HTR4: variants seen among roughly 807,000 people sequenced by gnomAD.
HTR4 encodes 5-hydroxytryptamine receptor 4.
A neutral mutation model predicts 36.8 loss-of-function variants in HTR4; 16 were observed. That is an observed-to-expected ratio of 0.43 (90% confidence interval 0.29 to 0.66). HTR4 has a LOEUF of 0.66. Among genes scored for constraint, HTR4 ranks in the 30% least tolerant of loss-of-function variants. The pLI, the probability that HTR4 is intolerant of heterozygous loss-of-function variation, is 0.13. For synonymous variants in HTR4, 189 were observed against 185.1 expected, an observed-to-expected ratio of 1.02 and a Z score of -0.17; for missense variants, 438 against 490.9, an observed-to-expected ratio of 0.89 and a Z score of 1.02.
chr5:148,623,781 G>A (rs1036791640), intron 2 of HTR4, among the ~76,000 whole-genome samples: 1 of 152,140 alleles, frequency 6.6e-6, no homozygotes, highest in Non-Finnish European at 1.5e-5. Flanking sequence ...GCTGATGTCA[G>A]TCACCTCTGA....
Position 148,523,183 on chromosome 5 carries a change from GGA to G in HTR4, c.507+8_507+9del, listed in dbSNP as rs1277705534. 6.2e-7 allele frequency: 1 copy of G among 1,611,330 alleles called. No homozygotes were observed. Among genetic ancestry groups the G allele is most frequent in the South Asian group, 1.1e-5 (1 of 90,802 alleles). On this transcript the variant is annotated splice_region_variant and intron_variant, in intron 5 of 6. Coordinates refer to ENST00000377888, the MANE Select transcript of HTR4 (RefSeq NM_000870.7). Reference sequence around the variant, plus strand: ...GACAGTAAACCAGTGAGGTCTGTGTGGATACTCACCAAATCAATTATGCCAAT... The same window carrying G: ...GACAGTAAACCAGTGAGGTCTGTGTGTACTCACCAAATCAATTATGCCAAT...
intron 5 of HTR4, among the ~76,000 whole-genome samples, chr5:148,455,879 C>A (rs963562239): frequency 6.6e-6 from 1 of 152,020 alleles, no homozygotes; most frequent in African/African-American, 2.4e-5. Context: ...AGTGGACCAT[C>A]ATAAAAGTCG....
chr5:148,576,436 A>G (rs1026029471), intron 2 of HTR4, among the ~76,000 whole-genome samples: 1 of 152,068 alleles, frequency 6.6e-6, no homozygotes, highest in African/African-American at 2.4e-5. Context: ...CAAACTCCCA[A>G]TGATATTCTT....
intron 2 of HTR4, among the ~76,000 whole-genome samples, chr5:148,607,728 T>C (rs535944915): frequency 2.0e-5 from 3 of 152,268 alleles, no homozygotes; most frequent in South Asian, 2.1e-4. Context: ...TAAAGAGATA[T>C]GTGTAGTAGC....
intron 6 of HTR4, among the ~76,000 whole-genome samples, chr5:148,485,785 G>A (rs995230743): frequency 6.6e-6 from 1 of 152,146 alleles, no homozygotes; most frequent in African/African-American, 2.4e-5. Flanking sequence ...GAGGGGTGAG[G>A]ATAAAAGACA....
At chr5:148,474,569 A>G (rs1435786915), downstream of HTR4, among the ~76,000 whole-genome samples, 1 of 152,208 alleles carries the variant, frequency 6.6e-6, no homozygotes, top group Admixed American at 6.5e-5. Context: ...CTGCCCTTTC[A>G]TTCAGGACTC....
intron 2 of HTR4, among the ~76,000 whole-genome samples, chr5:148,572,121 T>C (rs1760702362): frequency 6.6e-6 from 1 of 152,118 alleles, no homozygotes; most frequent in Non-Finnish European, 1.5e-5. Flanking sequence ...TATAATATAA[T>C]AAGGGTATCC....
At chr5:148,519,595 G>A (rs764735609) in intron 5 of HTR4, among the ~76,000 whole-genome samples, 58 of 152,262 alleles carry the variant, frequency 3.8e-4, no homozygotes, top group Non-Finnish European at 6.0e-4. Flanking sequence ...GAATTTATTT[G>A]TAACCTCCTA....
intron 2 of HTR4, among the ~76,000 whole-genome samples, chr5:148,601,331 C>T (rs1761988897): frequency 6.6e-6 from 1 of 152,132 alleles, no homozygotes; most frequent in African/African-American, 2.4e-5. Context: ...AGCAATCCTA[C>T]TTCTGTGTAT....
intron 2 of HTR4, among the ~76,000 whole-genome samples, chr5:148,574,388 G>GCT (rs1363402476): frequency 2.1e-5 from 3 of 145,750 alleles, no homozygotes; most frequent in African/African-American, 5.4e-5. Flanking sequence ...AGGCTCTCGC[G>GCT]CGCTCTCTCT....
chr5:148,518,826 A>G (rs1426821912), intron 5 of HTR4, among the ~76,000 whole-genome samples: 1 of 152,200 alleles, frequency 6.6e-6, no homozygotes, highest in East Asian at 1.9e-4. Context: ...CTTAGTGCTT[A>G]CATGACTTAC....
At chr5:148,619,076 A>G (rs1238902156) in intron 2 of HTR4, among the ~76,000 whole-genome samples, 1 of 152,196 alleles carries the variant, frequency 6.6e-6, no homozygotes, top group Non-Finnish European at 1.5e-5. Flanking sequence ...GAATTGAGGG[A>G]GGAAAGAAGG....
intron 2 of HTR4, among the ~76,000 whole-genome samples, chr5:148,614,146 A>G (rs995844733): frequency 1.5e-4 from 23 of 152,174 alleles, no homozygotes; most frequent in African/African-American, 4.6e-4. Context: ...CCATCAAGCT[A>G]CCAATGCCTT....
intron 5 of HTR4, among the ~76,000 whole-genome samples, chr5:148,461,359 G>A (rs116477624): frequency 0.023 from 3,427 of 152,006 alleles, 57 homozygotes; most frequent in South Asian, 0.054. Flanking sequence ...CAAACTATAT[G>A]TTGTCTACAA....
chr5:148,517,537 G>T (rs1156372926), intron 5 of HTR4, among the ~76,000 whole-genome samples: 4 of 151,618 alleles, frequency 2.6e-5, no homozygotes, highest in Non-Finnish European at 5.9e-5. Context: ...TTCTCATCTC[G>T]ATTGATGGTT....
intron 1 of HTR4, among the ~76,000 whole-genome samples, chr5:148,653,698 G>A (rs1012945174): frequency 6.6e-6 from 1 of 151,940 alleles, no homozygotes; most frequent in Admixed American, 6.6e-5. Context: ...TACACACTTG[G>A]CTATGGATGC....
intron 4 of HTR4, among the ~76,000 whole-genome samples, chr5:148,532,846 G>A (rs970101093): frequency 6.6e-6 from 1 of 152,182 alleles, no homozygotes; most frequent in Non-Finnish European, 1.5e-5. Flanking sequence ...TAAAGGATTT[G>A]TTGAAACACA....
At chr5:148,566,376 A>G (rs1396488772) in intron 2 of HTR4, among the ~76,000 whole-genome samples, 1 of 152,180 alleles carries the variant, frequency 6.6e-6, no homozygotes, top group African/African-American at 2.4e-5. Flanking sequence ...TTCTTCCTCC[A>G]TCTCAAGAAA....
chr5:148,518,934 T>TG (rs1360160387), intron 5 of HTR4, among the ~76,000 whole-genome samples: 1 of 152,158 alleles, frequency 6.6e-6, no homozygotes, highest in South Asian at 2.1e-4. Context: ...TTTGTGTGTG[T>TG]TTTTTTAAAT....
Sources: allele counts gnomAD v4.1 joint callset (sites outside exome capture counted in the v4.1 genomes callset), GRCh38; gene constraint gnomAD v4.1.1; transcripts MANE v1.5; gene names NCBI Gene and HGNC (gene_info 2026-07-23, HGNC 2026-07-21).